The following RNLS variants were observed in gnomAD, a reference collection of about 807,000 sequenced individuals.
RNLS encodes the protein renalase.
In RNLS, 39 loss-of-function variants were observed where a neutral mutation model predicts 39.8. The ratio of observed to expected loss-of-function variants is 0.98; its 90% CI spans 0.76 to 1.28. RNLS has a LOEUF of 1.28. RNLS is among the 50% of genes most tolerant of loss of function. RNLS has a pLI of 0.00. For synonymous variants in RNLS, 147 were observed against 150.7 expected (o/e 0.98, Z 0.18); for missense variants, 410 against 413.3 (o/e 0.99, Z 0.07).
rs532830466 is a variant in RNLS, at chr10:88,299,399, G to T, written c.877-13893C>A. Among the ~76,000 whole-genome samples, 82 of 152,218 alleles carry T rather than the reference G, an allele frequency of 5.4e-4. 1 individual carries two copies. Among genetic ancestry groups the T allele is most frequent in the African/African-American group, 1.8e-3 (75 of 41,526 alleles). On this transcript the variant is annotated intron_variant, in intron 6 of 6. Coordinates refer to ENST00000331772, the MANE Select transcript of RNLS (RefSeq NM_001031709.3). Reference sequence around the variant, plus strand: ...GCACTTTGGGAGGCTGAGACAGGCGGATCACTTGAGGTCAGGAGTTTAAGA... The same window carrying T: ...GCACTTTGGGAGGCTGAGACAGGCGTATCACTTGAGGTCAGGAGTTTAAGA...
the RNLS span, among the ~76,000 whole-genome samples, chr10:88,265,141 T>C: frequency 8.0e-6 from 1 of 125,248 alleles, no homozygotes; most frequent in Non-Finnish European, 1.9e-5. Flanking sequence ...ATCAGTTGGC[T>C]GTGAGTATTT....
downstream of RNLS, among the ~76,000 whole-genome samples, chr10:88,279,633 C>A (rs191813522): frequency 1.3e-3 from 193 of 144,328 alleles, no homozygotes; most frequent in African/African-American, 4.7e-3. Flanking sequence ...TGAAATAACT[C>A]ACTCCTAGTT....
intron 5 of RNLS, among the ~76,000 whole-genome samples, chr10:88,353,995 G>C (rs1007202447): frequency 9.9e-5 from 15 of 152,242 alleles, no homozygotes; most frequent in African/African-American, 3.6e-4. Context: ...GATCTTTGTT[G>C]GTTTAAAGTC....
intron 4 of RNLS, among the ~76,000 whole-genome samples, chr10:88,509,496 G>A (rs1181310478): frequency 6.7e-6 from 1 of 148,808 alleles, no homozygotes; most frequent in Non-Finnish European, 1.5e-5. Flanking sequence ...AGAGGAGGAG[G>A]GGGAGGGGAC....
intron 4 of RNLS, among the ~76,000 whole-genome samples, chr10:88,446,400 G>A (rs1482867766): frequency 1.3e-5 from 2 of 152,014 alleles, no homozygotes; most frequent in African/African-American, 4.8e-5. Context: ...TCACAATTAA[G>A]AGAACTAGAG....
At chr10:88,399,482 T>A (rs1852782155) in intron 4 of RNLS, among the ~76,000 whole-genome samples, 1 of 152,032 alleles carries the variant, frequency 6.6e-6, no homozygotes, top group Non-Finnish European at 1.5e-5. Flanking sequence ...TCATTCATGC[T>A]ATAACATGGA....
chr10:88,238,698 C>T, the RNLS span, among the ~76,000 whole-genome samples: 56 of 152,282 alleles, frequency 3.7e-4, no homozygotes, highest in African/African-American at 1.0e-3. Context: ...CGATTGGGCA[C>T]GCTGTGGAGC....
At chr10:88,238,841 T>C in the RNLS span, among the ~76,000 whole-genome samples, 7 of 152,222 alleles carry the variant, frequency 4.6e-5, no homozygotes, top group South Asian at 8.3e-4. Context: ...GGAATTTCTT[T>C]AACTGCCTTG....
At chr10:88,308,819 C>T (rs7905573) in intron 6 of RNLS, among the ~76,000 whole-genome samples, 45,573 of 152,058 alleles carry the variant, frequency 0.3, 8,867 homozygotes, top group African/African-American at 0.54. Flanking sequence ...TACATGTACA[C>T]ATATGTTCAT....
intron 6 of RNLS, among the ~76,000 whole-genome samples, chr10:88,312,956 GGAT>G (rs1299865236): frequency 6.6e-6 from 1 of 152,068 alleles, no homozygotes; most frequent in Admixed American, 6.6e-5. Context: ...TTCTAAGTCT[GGAT>G]GATAACTTAC....
chr10:88,256,165 G>A, the RNLS span, among the ~76,000 whole-genome samples: 4 of 151,722 alleles, frequency 2.6e-5, no homozygotes, highest in Admixed American at 6.6e-5. Context: ...TGATCTTGTG[G>A]CAACTCAGAA....
At chr10:88,246,731 A>G in the RNLS span, among the ~76,000 whole-genome samples, 1 of 152,180 alleles carries the variant, frequency 6.6e-6, no homozygotes, top group Non-Finnish European at 1.5e-5. Flanking sequence ...TAGCCATCAC[A>G]GCTTTAACCA....
the RNLS span, among the ~76,000 whole-genome samples, chr10:88,266,997 C>T: frequency 6.6e-6 from 1 of 152,274 alleles, no homozygotes; most frequent in East Asian, 1.9e-4. Flanking sequence ...GTCTTCATAG[C>T]CAGTCCTCCT....
intron 4 of RNLS, among the ~76,000 whole-genome samples, chr10:88,391,052 A>G (rs905013887): frequency 1.3e-5 from 2 of 152,362 alleles, no homozygotes; most frequent in East Asian, 3.9e-4. Context: ...TTTGAAAATT[A>G]TAATATCAAT....
chr10:88,285,634 CA>C (rs1011179262), intron 6 of RNLS, 128 bp from the exon 7 acceptor site: 156 of 761,028 alleles, frequency 2.0e-4, no homozygotes, highest in South Asian at 3.6e-4. Flanking sequence ...ACCAAACAAA[CA>C]AAAAAAATGC....
At chr10:88,316,530 T>C (rs1397135050) in intron 5 of RNLS, among the ~76,000 whole-genome samples, 1 of 152,174 alleles carries the variant, frequency 6.6e-6, no homozygotes, top group South Asian at 2.1e-4. Context: ...AGCAGGGAAG[T>C]TGGGGCTCTG....
intron 4 of RNLS, among the ~76,000 whole-genome samples, chr10:88,470,945 T>C (rs1843489021): frequency 1.3e-5 from 2 of 152,180 alleles, no homozygotes; most frequent in African/African-American, 4.8e-5. Flanking sequence ...TAATGAGGTA[T>C]GATAAGCATC....
At chr10:88,490,054 A>C (rs955886307) in intron 4 of RNLS, among the ~76,000 whole-genome samples, 1 of 152,202 alleles carries the variant, frequency 6.6e-6, no homozygotes, top group African/African-American at 2.4e-5. Flanking sequence ...TAAATGTTTT[A>C]TATGGATTTT....
At chr10:88,265,466 T>C in the RNLS span, among the ~76,000 whole-genome samples, 1 of 151,996 alleles carries the variant, frequency 6.6e-6, no homozygotes, top group African/African-American at 2.4e-5. Context: ...ACAATATTAA[T>C]TTTATCCATC....
Sources: gnomAD v4.1 joint callset for allele counts (sites outside exome capture counted in the v4.1 genomes callset) on GRCh38, gnomAD v4.1.1 for gene constraint, MANE v1.5 for transcripts, NCBI Gene and HGNC (gene_info 2026-07-23, HGNC 2026-07-21) for gene names.